Variants in CNOT6L observed in about 807,000 individuals in gnomAD.
The protein encoded by CNOT6L is CCR4-NOT transcription complex subunit 6-like.
Under a neutral mutation model 64.0 loss-of-function variants are expected in CNOT6L, and 7 were observed. The observed-to-expected ratio is 0.11, with a 90% confidence interval of 0.06 to 0.21. The LOEUF (loss-of-function observed/expected upper bound fraction) is 0.21. Among genes scored for constraint, CNOT6L ranks in the 10% least tolerant of loss-of-function variants. The pLI, the probability that CNOT6L is intolerant of heterozygous loss-of-function variation, is 1.00. For synonymous variants in CNOT6L, 193 were observed against 243.4 expected, an observed-to-expected ratio of 0.79 and a Z score of 1.93; for missense variants, 245 against 669.0, an observed-to-expected ratio of 0.37 and a Z score of 6.99.
intron 11 of CNOT6L, among the ~76,000 whole-genome samples, chr4:77,725,006 C>CAA (rs1015293360): frequency 6.6e-6 from 1 of 152,170 alleles, no homozygotes; most frequent in Non-Finnish European, 1.5e-5. Flanking sequence ...GCAAACACCA[C>CAA]AAATCAGAGC....
chr4:77,737,403 GTT>G (rs79755363), intron 8 of CNOT6L, among the ~76,000 whole-genome samples: 1 of 116,048 alleles, frequency 8.6e-6, no homozygotes, highest in Admixed American at 1.0e-4. Context: ...TATTTGTACC[GTT>G]CTTTTTTTTT....
Position 77,780,412 on chromosome 4 carries a change from G to T in CNOT6L, c.6-4020C>A, listed in dbSNP as rs866179015. ...CCATTACATCAACCAAATTTATACT[G>T]GGAATCCTGATTACATAACAAAGCC... On this transcript the variant is annotated intron_variant, in intron 1 of 11. Transcript: ENST00000504123. Among the ~76,000 whole-genome samples the T allele has an allele frequency of 5.3e-5, 8 of 152,216 alleles. No homozygotes were observed. The Middle Eastern group carries it at 0.01, about 194-fold the overall frequency.
intron 1 of CNOT6L, among the ~76,000 whole-genome samples, chr4:77,811,207 G>T (rs921491517): frequency 6.6e-6 from 1 of 152,168 alleles, no homozygotes; most frequent in Non-Finnish European, 1.5e-5. Flanking sequence ...ATCAGTAAAA[G>T]ATTAAGTGCT....
chr4:77,721,572 A>T (rs964506961), intron 11 of CNOT6L, among the ~76,000 whole-genome samples: 1 of 152,176 alleles, frequency 6.6e-6, no homozygotes, highest in African/African-American at 2.4e-5. Flanking sequence ...AAAAATAAAA[A>T]CTTTTAATGA....
chr4:77,726,390 C>G (rs754155884), intron 10 of CNOT6L, 21 bp from the exon 11 acceptor site: 1 of 1,582,012 alleles, frequency 6.3e-7, no homozygotes, highest in South Asian at 1.1e-5. Flanking sequence ...AAAGAAGAGA[C>G]ACTTCCATTT....
chr4:77,714,438 T>TAAAA lies in CNOT6L; in HGVS notation c.*5989_*5992dup, dbSNP rs201499481. On this transcript the variant is annotated 3_prime_UTR_variant, in exon 12 of 12. Transcript: ENST00000504123. Reference sequence around the variant, plus strand: ...AGAAAAAGTACATACACACTCTCTTTAAAAAAAAAAAAAAAAAAAAAAAAA... The same window carrying TAAAA: ...AGAAAAAGTACATACACACTCTCTTTAAAAAAAAAAAAAAAAAAAAAAAAAAAAA... 3.0e-5 allele frequency: 4 copies of TAAAA among 134,682 alleles called. No homozygotes were observed. The East Asian group carries it at 8.5e-4, about 29-fold the overall frequency. 8.3% of individuals were successfully genotyped at this position (134,682 alleles called of 1,614,324 possible).
At chr4:77,765,383 T>C (rs1342678161) in intron 4 of CNOT6L, among the ~76,000 whole-genome samples, 2 of 152,168 alleles carry the variant, frequency 1.3e-5, no homozygotes, top group Admixed American at 6.5e-5. Flanking sequence ...AAAAAAAATT[T>C]CTCAAAAGTT....
chr4:77,766,414 A>G (rs1726824081), intron 4 of CNOT6L, among the ~76,000 whole-genome samples: 1 of 152,154 alleles, frequency 6.6e-6, no homozygotes, highest in Non-Finnish European at 1.5e-5. Flanking sequence ...AAAAACTATT[A>G]GAAGCAGTCC....
intron 1 of CNOT6L, among the ~76,000 whole-genome samples, chr4:77,804,973 T>TGCAC (rs1013750051): frequency 1.7e-4 from 26 of 152,302 alleles, no homozygotes; most frequent in African/African-American, 6.3e-4. Context: ...GGGTTTGAAC[T>TGCAC]GCACAGGTTC....
At chr4:77,773,906 G>C (rs543593645) in intron 3 of CNOT6L, among the ~76,000 whole-genome samples, 4 of 152,204 alleles carry the variant, frequency 2.6e-5, no homozygotes, top group African/African-American at 9.6e-5. Flanking sequence ...ATCCTCATTA[G>C]TGGATGACCA....
intron 10 of CNOT6L, among the ~76,000 whole-genome samples, chr4:77,727,011 A>G (rs1281113433): frequency 6.6e-6 from 1 of 152,192 alleles, no homozygotes; most frequent in African/African-American, 2.4e-5. Context: ...CTTCCACTGA[A>G]TTAGCAAACA....
chr4:77,725,800 G>C (rs1281477080), intron 11 of CNOT6L, among the ~76,000 whole-genome samples: 1 of 152,104 alleles, frequency 6.6e-6, no homozygotes, highest in Non-Finnish European at 1.5e-5. Flanking sequence ...CTTTTCTGTG[G>C]GGGGCGGGAG....
At chr4:77,771,381 A>G (rs146555483) in intron 4 of CNOT6L, among the ~76,000 whole-genome samples, 119 of 152,322 alleles carry the variant, frequency 7.8e-4, no homozygotes, top group Middle Eastern at 3.4e-3. Context: ...TTCTATCAAT[A>G]TCGGGAAGAA....
rs142888128 is a variant in CNOT6L, at chr4:77,743,586, CTTTTTTTTTT to C, written c.717+1122_717+1131del. 1.5e-3 allele frequency among the ~76,000 whole-genome samples: 108 copies of C among 70,902 alleles called. 1 individual carries two copies. The highest frequency in any genetic ancestry group is 6.2e-3 in the African/African-American group (91 of 14,648). 46.5% of individuals were successfully genotyped at this position (70,902 alleles called of 152,430 possible). A position where few individuals can be genotyped will look rare whatever the true frequency, so the allele number is the denominator to read the frequency against. ...GAATGTGTGAAATTGTAACACACAA[CTTTTTTTTTT>C]TTTTTTTTTTTTTTTTTTTTTTTGA... On this transcript the variant is annotated intron_variant, in intron 7 of 11. Transcript: ENST00000504123.
At chr4:77,728,486 C>T (rs574659396) in intron 10 of CNOT6L, among the ~76,000 whole-genome samples, 8 of 152,222 alleles carry the variant, frequency 5.3e-5, no homozygotes, top group South Asian at 2.1e-4. Context: ...AGGGATTGAC[C>T]GCTTCATGCA....
chr4:77,734,534 G>A (rs1042936858), intron 8 of CNOT6L, among the ~76,000 whole-genome samples: 15 of 152,016 alleles, frequency 9.9e-5, no homozygotes, highest in Non-Finnish European at 1.3e-4. Context: ...AACTAATGCC[G>A]TAATGAACAT....
Position 77,714,185 on chromosome 4 carries a change from T to C in CNOT6L, c.*6246A>G, listed in dbSNP as rs901959215. 30 of 152,550 alleles carry C rather than the reference T, an allele frequency of 2.0e-4. No homozygotes were observed. The highest frequency in any genetic ancestry group is 3.3e-4 in the Admixed American group (5 of 15,256). 9.4% of individuals were successfully genotyped at this position (152,550 alleles called of 1,614,324 possible). On this transcript the variant is annotated 3_prime_UTR_variant, in exon 12 of 12. Coordinates refer to ENST00000504123, the MANE Select transcript of CNOT6L (RefSeq NM_144571.3). ...GAATTAGATAGTTACAAAAACACTT[T>C]ATAGGTCACAGAATGACTCAAATGT... is the stretch of plus-strand genomic sequence containing the variant.
intron 1 of CNOT6L, among the ~76,000 whole-genome samples, chr4:77,783,893 TTATTAAATATATTAATATTTAATA>T (rs1244650139): frequency 2.0e-5 from 3 of 148,826 alleles, no homozygotes; most frequent in African/African-American, 4.9e-5. Flanking sequence ...TATATTAAAT[TTATTAAATATATTAATATTTAATA>T]TATTAAATAT....
At chr4:77,818,248 C>A (rs1371454603) in intron 1 of CNOT6L, among the ~76,000 whole-genome samples, 2 of 152,190 alleles carry the variant, frequency 1.3e-5, no homozygotes, top group Non-Finnish European at 2.9e-5. Flanking sequence ...GCTCAATAGC[C>A]GACCGAGTTA....
Sources: gnomAD v4.1 joint callset for allele counts (sites outside exome capture counted in the v4.1 genomes callset) on GRCh38, gnomAD v4.1.1 for gene constraint, MANE v1.5 for transcripts, NCBI Gene and HGNC (gene_info 2026-07-23, HGNC 2026-07-21) for gene names.